The following SOX5 variants were observed in gnomAD, a reference collection of about 807,000 sequenced individuals.
The protein encoded by SOX5 is transcription factor SOX-5.
In SOX5, 9 loss-of-function variants were observed where a neutral mutation model predicts 92.0. The ratio of observed to expected loss-of-function variants is 0.10; its 90% CI spans 0.06 to 0.17. The LOEUF (loss-of-function observed/expected upper bound fraction) is 0.17, where lower values mean the gene tolerates loss of function less well. SOX5 is among the 10% of genes least tolerant of loss of function. The pLI is 1.00. For missense variants in SOX5, 642 were observed against 944.5 expected (o/e 0.68, Z 4.20); for synonymous variants, 344 against 336.3 (o/e 1.02, Z -0.25).
chr12:23,790,542 AAT>A (rs1410897570), intron 3 of SOX5, among the ~76,000 whole-genome samples: 5 of 47,648 alleles, frequency 1.0e-4, no homozygotes, highest in African/African-American at 3.0e-4. Flanking sequence ...TCTCTCTCTC[AAT>A]CTCTCACACA....
chr12:24,205,131 A>G (rs1008188352), intron 4 of SOX5, among the ~76,000 whole-genome samples: 2 of 152,136 alleles, frequency 1.3e-5, no homozygotes, highest in African/African-American at 4.8e-5. Context: ...TGCCTTCTTT[A>G]TGTCCCCAAG....
intron 2 of SOX5, among the ~76,000 whole-genome samples, chr12:23,850,454 A>ATAAAT (rs1374132057): frequency 9.8e-6 from 1 of 101,542 alleles, no homozygotes; most frequent in Non-Finnish European, 2.0e-5. Flanking sequence ...AAATAAATAA[A>ATAAAT]AAAAAAATAA....
intron 11 of SOX5, among the ~76,000 whole-genome samples, chr12:23,558,274 T>C (rs1250496991): frequency 1.3e-5 from 2 of 152,188 alleles, no homozygotes; most frequent in Non-Finnish European, 2.9e-5. Context: ...CAATTTAAAG[T>C]AGTCTCTTTT....
chr12:23,765,328 A>C (rs1347998150), intron 3 of SOX5, among the ~76,000 whole-genome samples: 1 of 135,786 alleles, frequency 7.4e-6, no homozygotes, highest in Non-Finnish European at 1.6e-5. Flanking sequence ...ATCAACAAGG[A>C]AACCTGCAGT....
intron 2 of SOX5, among the ~76,000 whole-genome samples, chr12:23,892,321 T>C (rs1439525818): frequency 6.6e-6 from 1 of 152,130 alleles, no homozygotes; most frequent in Non-Finnish European, 1.5e-5. Context: ...AGAATAAAAC[T>C]GTGCCATTCA....
intron 3 of SOX5, among the ~76,000 whole-genome samples, chr12:23,780,186 C>T (rs187583397): frequency 2.3e-4 from 35 of 152,028 alleles, no homozygotes; most frequent in African/African-American, 4.6e-4. Context: ...TAATAAACTA[C>T]ATTCTTTAAT....
At chr12:24,285,258 C>G (rs1350905815) in intron 2 of SOX5, among the ~76,000 whole-genome samples, 1 of 152,068 alleles carries the variant, frequency 6.6e-6, no homozygotes, top group Non-Finnish European at 1.5e-5. Flanking sequence ...ATTTATCCCC[C>G]TTATTCTGAG....
intron 3 of SOX5, among the ~76,000 whole-genome samples, chr12:24,264,383 ATATT>A (rs1942712265): frequency 6.6e-6 from 1 of 152,166 alleles, no homozygotes; most frequent in Non-Finnish European, 1.5e-5. Flanking sequence ...TAAAATGTAA[ATATT>A]TGTCTATGAA....
intron 3 of SOX5, among the ~76,000 whole-genome samples, chr12:23,765,181 CTTGT>C (rs1316766689): frequency 2.0e-5 from 3 of 151,728 alleles, no homozygotes; most frequent in African/African-American, 4.8e-5. Flanking sequence ...GCCTTAACAA[CTTGT>C]TTATTATTTG....
intron 3 of SOX5, among the ~76,000 whole-genome samples, chr12:24,252,729 C>T (rs566593891): frequency 1.1e-3 from 171 of 151,818 alleles, no homozygotes; most frequent in Non-Finnish European, 1.4e-3. Flanking sequence ...TAACCCGAGG[C>T]CCCAGCTCCT....
At chr12:24,244,370 CT>C (rs1340014334) in intron 3 of SOX5, among the ~76,000 whole-genome samples, 1 of 152,224 alleles carries the variant, frequency 6.6e-6, no homozygotes, top group Non-Finnish European at 1.5e-5. Flanking sequence ...TTCCTCTGTC[CT>C]TTATAATCCC....
chr12:23,553,386 A>T (rs1394629299), intron 11 of SOX5, among the ~76,000 whole-genome samples: 1 of 151,984 alleles, frequency 6.6e-6, no homozygotes, highest in East Asian at 1.9e-4. Flanking sequence ...TATGGCCCGG[A>T]TGTGTAATGT....
chr12:24,551,703 T>C (rs977126205), intron 1 of SOX5, among the ~76,000 whole-genome samples: 1 of 152,238 alleles, frequency 6.6e-6, no homozygotes, highest in Non-Finnish European at 1.5e-5. Context: ...GTTAGTGTTT[T>C]TCATTGTTTA....
intron 4 of SOX5, among the ~76,000 whole-genome samples, chr12:24,045,283 T>C (rs1485666933): frequency 6.6e-6 from 1 of 152,174 alleles, no homozygotes; most frequent in South Asian, 2.1e-4. Flanking sequence ...CATAGGATTG[T>C]TTCAAGGACC....
intron 2 of SOX5, among the ~76,000 whole-genome samples, chr12:24,343,568 G>A (rs1036877442): frequency 2.0e-5 from 3 of 152,054 alleles, no homozygotes; most frequent in African/African-American, 7.2e-5. Flanking sequence ...AACTAAGCCA[G>A]GTACTGTATC....
At chr12:23,611,123 AT>A in intron 8 of SOX5, among the ~76,000 whole-genome samples, 1 of 152,188 alleles carries the variant, frequency 6.6e-6, no homozygotes, top group African/African-American at 2.4e-5. Flanking sequence ...ATTTTATAAA[AT>A]TATTATTTGA....
rs368949647 is a variant in SOX5 at position 23,704,731 on chromosome 12, C to CACACACACACAT, written c.810+29952_810+29953insATGTGTGTGTGT. Reference sequence around the variant, plus strand: ...ATATATATATACACACACACACACACATACACACATACATGCAGACAGATA... The same window carrying CACACACACACAT: ...ATATATATATACACACACACACACACACACACACACATATACACACATACATGCAGACAGATA... On this transcript the variant is annotated intron_variant, in intron 6 of 14. Transcript: ENST00000451604. Among the ~76,000 whole-genome samples, 318 of 130,902 alleles carry CACACACACACAT rather than the reference C, an allele frequency of 2.4e-3. 2 individuals are homozygous for CACACACACACAT. The highest frequency in any genetic ancestry group is 3.8e-3 in the Middle Eastern group (1 of 260). The allele number at this position is 130,902 out of a possible 152,430, so 85.9% of individuals were successfully genotyped here.
rs201164077 is a variant in SOX5 at position 23,665,501 on chromosome 12, C to T, written c.874G>A (p.Ala292Thr). The stretch of plus-strand genomic sequence containing the variant: ...AGGAGGAATCCTTGCTGGGCAGCTG[C>T]AGCCAGTGTCCGTTGATCAGGAGGG... ...VFPPDQRTLAAAAQQGFLLPP... is the reference protein window; with the variant it reads ...VFPPDQRTLATAAQQGFLLPP... The change falls in exon 7 of 15, where the codon GCA becomes ACA. Residue 292 changes from alanine (A) to threonine (T), a missense_variant. This residue lies in a region of SOX5 where 324 missense variants were observed against 461.6 expected (regional missense o/e 0.70). Coordinates refer to ENST00000451604, the MANE Select transcript of SOX5 (RefSeq NM_006940.6). 12 of 1,613,482 alleles carry T rather than the reference C, an allele frequency of 7.4e-6. No individual in the cohort carries two copies. The highest frequency in any genetic ancestry group is 3.3e-5 in the Admixed American group (2 of 59,978).
At chr12:23,756,503 G>C (rs762726921) in intron 3 of SOX5, among the ~76,000 whole-genome samples, 1 of 151,790 alleles carries the variant, frequency 6.6e-6, no homozygotes, top group Non-Finnish European at 1.5e-5. Context: ...AAATATAAAT[G>C]CCAATAAAAA....
Sources: gnomAD v4.1 joint callset for allele counts (sites outside exome capture counted in the v4.1 genomes callset) on GRCh38, gnomAD v4.1.1 for gene constraint, gnomAD v4.1.1 regional missense constraint, MANE v1.5 for transcripts, NCBI Gene and HGNC (gene_info 2026-07-23, HGNC 2026-07-21) for gene names.